GPATCH8: variants seen among roughly 807,000 people sequenced by gnomAD.
GPATCH8 encodes the protein G patch domain-containing protein 8.
A neutral mutation model predicts 118.3 loss-of-function variants in GPATCH8; 18 were observed. The observed-to-expected ratio is 0.15, with a 90% CI of 0.11 to 0.23. The LOEUF (loss-of-function observed/expected upper bound fraction) is 0.23. Among genes scored for constraint, GPATCH8 ranks in the 10% least tolerant of loss-of-function variants. GPATCH8 has a pLI of 1.00. For synonymous variants in GPATCH8, 659 were observed against 684.7 expected, an observed-to-expected ratio of 0.96 and a Z score of 0.59; for missense variants, 1,631 against 1,873.8, an observed-to-expected ratio of 0.87 and a Z score of 2.39.
intron 6 of GPATCH8, among the ~76,000 whole-genome samples, chr17:44,423,479 C>T (rs987665584): frequency 2.0e-5 from 3 of 151,872 alleles, no homozygotes; most frequent in Non-Finnish European, 4.4e-5. Context: ...AAGATGAAGG[C>T]TAAAAAAAAA....
chr17:44,487,596 T>C (rs56198709), intron 1 of GPATCH8, among the ~76,000 whole-genome samples: 18 of 152,336 alleles, frequency 1.2e-4, no homozygotes, highest in Non-Finnish European at 2.1e-4. Context: ...TCTTGTCTTC[T>C]CTTTCTCTTG....
intron 6 of GPATCH8, among the ~76,000 whole-genome samples, chr17:44,414,125 ATG>A (rs374629172): frequency 6.0e-5 from 2 of 33,094 alleles, no homozygotes; most frequent in Non-Finnish European, 1.9e-4. Flanking sequence ...ATGTATATAT[ATG>A]TGTATATATA....
At chr17:44,416,438 T>G (rs1335476934) in intron 6 of GPATCH8, among the ~76,000 whole-genome samples, 3 of 152,194 alleles carry the variant, frequency 2.0e-5, no homozygotes, top group Non-Finnish European at 4.4e-5. Context: ...ACATGCTAAA[T>G]TTTTGGAAGA....
At chr17:44,445,514 T>G (rs542636911) in intron 3 of GPATCH8, among the ~76,000 whole-genome samples, 1 of 145,102 alleles carries the variant, frequency 6.9e-6, no homozygotes, top group East Asian at 2.0e-4. Context: ...TTTTTTTTTT[T>G]CCCCCCCTAA....
intron 4 of GPATCH8, among the ~76,000 whole-genome samples, chr17:44,435,953 C>A (rs927520108): frequency 7.4e-6 from 1 of 135,286 alleles, no homozygotes; most frequent in Non-Finnish European, 1.5e-5. Context: ...CCCTTGAACC[C>A]GGGAGACGGA....
chr17:44,429,687 A>ACACACAC (rs58829323), intron 5 of GPATCH8, among the ~76,000 whole-genome samples: 10 of 73,730 alleles, frequency 1.4e-4, no homozygotes, highest in East Asian at 7.9e-4. Context: ...CACACACACA[A>ACACACAC]AACAACAAAC....
chr17:44,402,982 G>A (rs1382489695), intron 7 of GPATCH8, among the ~76,000 whole-genome samples: 3 of 152,120 alleles, frequency 2.0e-5, no homozygotes, highest in Non-Finnish European at 4.4e-5. Flanking sequence ...GAAGTGGCAT[G>A]ATCATAGCTC....
intron 1 of GPATCH8, among the ~76,000 whole-genome samples, chr17:44,480,661 AG>A (rs1347871831): frequency 6.6e-6 from 1 of 151,110 alleles, no homozygotes; most frequent in South Asian, 2.1e-4. Context: ...AGGAGGTTGC[AG>A]TGAGCTGAGA....
In GPATCH8 at chr17:44,400,192, T is replaced by C. The variant is rs1312382179; in HGVS notation, c.1885A>G (p.Arg629Gly). 3 of 1,614,216 alleles carry C rather than the reference T, an allele frequency of 1.9e-6. No individual in the cohort carries two copies. In the Admixed American group the frequency reaches 5.0e-5, roughly 27 times the overall value. ...GEKIVRSSGG[R>G]MDAPASGSAC... is the part of the protein sequence containing the mutation. ...GACCCTGAAGCAGGTGCGTCCATTC[T>C]GCCTCCTGAGGAACGTACTATTTTC... The change falls in exon 8 of 8, where the codon AGA becomes GGA. Residue 629 changes from arginine (R) to glycine (G), a missense_variant. Arg to Gly is a moderately radical substitution (Grantham distance 125). Transcript: ENST00000591680.
chr17:44,423,064 C>T (rs1010921298), intron 6 of GPATCH8, among the ~76,000 whole-genome samples: 10 of 151,512 alleles, frequency 6.6e-5, no homozygotes, highest in Admixed American at 2.6e-4. Context: ...GTCAGGAGTT[C>T]GCCCCATCTC....
rs869068538 is a variant in GPATCH8 at position 44,468,373 on chromosome 17, CTTTTTTTTTTTTT to C, written c.121-3842_121-3830del. Among the ~76,000 whole-genome samples the C allele has an allele frequency of 5.9e-4, 59 of 100,012 alleles. 1 individual carries two copies. In the East Asian group the frequency reaches 0.011, roughly 19 times the overall value. The allele number at this position is 100,012 out of a possible 152,430, so 65.6% of individuals were successfully genotyped here. On this transcript the variant is annotated intron_variant, in intron 2 of 7. Transcript: ENST00000591680. ...CAATGAACATTAAATTTCTTTGTTCCTTTTTTTTTTTTTTTTTTTTTTTTTTTTTTGTGAGACA... is the reference window on the plus strand; with the variant it reads ...CAATGAACATTAAATTTCTTTGTTCCTTTTTTTTTTTTTTTTTGTGAGACA...
Position 44,398,525 on chromosome 17 carries a change from A to C in GPATCH8, c.3552T>G (p.Ser1184Arg), listed in dbSNP as rs970007182. Residue 1184 changes from serine to arginine, a missense_variant, in exon 8 of 8, where the codon AGT becomes AGG. This residue lies in a region of GPATCH8 where 922 missense variants were observed against 879.7 expected (regional missense o/e 1.05). Transcript: ENST00000591680. ...QSETEEGPPG[S>R]SDALFGHQFP... ...ACTGATGCCCAAATAGGGCATCACT[A>C]CTCCCTGGGGGCCCCTCTTCTGTCT... is the stretch of plus-strand genomic sequence containing the variant. The C allele has an allele frequency of 1.9e-6, 3 of 1,596,396 alleles. No homozygotes were observed. The African/African-American group carries it at 4.0e-5, about 22-fold the overall frequency.
chr17:44,442,120 TATAGAGAG>T (rs1389524053), intron 3 of GPATCH8, among the ~76,000 whole-genome samples: 4 of 126,302 alleles, frequency 3.2e-5, no homozygotes, highest in African/African-American at 1.1e-4. Flanking sequence ...TATATATATA[TATAGAGAG>T]AGAGAGAGAG....
At chr17:44,500,467 G>A (rs939880143) in intron 1 of GPATCH8, among the ~76,000 whole-genome samples, 11 of 152,078 alleles carry the variant, frequency 7.2e-5, no homozygotes, top group African/African-American at 2.7e-4. Flanking sequence ...TGCTTCAAGT[G>A]GCATACCACT....
chr17:44,396,458 T>C lies in GPATCH8; in HGVS notation c.*1110A>G, dbSNP rs1378464563. 3 of 454,100 alleles carry C rather than the reference T, an allele frequency of 6.6e-6. No individual in the cohort carries two copies. Among genetic ancestry groups the C allele is most frequent in the African/African-American group, 6.0e-5 (3 of 50,004 alleles). The allele number at this position is 454,100 out of a possible 1,614,324, so 28.1% of individuals were successfully genotyped here. On this transcript the variant is annotated 3_prime_UTR_variant, in exon 8 of 8. Coordinates refer to ENST00000591680, the MANE Select transcript of GPATCH8 (RefSeq NM_001002909.4). Reference sequence around the variant, plus strand: ...TACATACTGCAAATTACTTAACATTTTGTCCCAGCAAAAAATGTTTTAACA... The same window carrying C: ...TACATACTGCAAATTACTTAACATTCTGTCCCAGCAAAAAATGTTTTAACA...
chr17:44,491,162 T>C (rs1598632664), intron 1 of GPATCH8, among the ~76,000 whole-genome samples: 1 of 152,224 alleles, frequency 6.6e-6, no homozygotes. Context: ...AGAGATGTTC[T>C]TAGCCTCTTC....
chr17:44,455,098 T>C (rs2051276342), intron 3 of GPATCH8, among the ~76,000 whole-genome samples: 1 of 152,220 alleles, frequency 6.6e-6, no homozygotes, highest in African/African-American at 2.4e-5. Flanking sequence ...CTATTTTCAG[T>C]ATCAGCTTTT....
intron 5 of GPATCH8, among the ~76,000 whole-genome samples, chr17:44,429,677 C>CACACACACACACACACAA (rs2050225545): frequency 6.6e-6 from 1 of 150,828 alleles, no homozygotes; most frequent in Non-Finnish European, 1.5e-5. Flanking sequence ...CACACACACA[C>CACACACACACACACACAA]ACACACACAA....
At chr17:44,492,297 CA>C (rs760386945) in intron 1 of GPATCH8, among the ~76,000 whole-genome samples, 71 of 76,252 alleles carry the variant, frequency 9.3e-4, no homozygotes, top group African/African-American at 2.2e-3. Flanking sequence ...TGAGACGTCT[CA>C]AAAAAAAAAA....
Sources: gnomAD v4.1 joint callset for allele counts (sites outside exome capture counted in the v4.1 genomes callset) on GRCh38, gnomAD v4.1.1 for gene constraint, gnomAD v4.1.1 regional missense constraint, MANE v1.5 for transcripts, NCBI Gene and HGNC (gene_info 2026-07-23, HGNC 2026-07-21) for gene names.